FCHO2: variants seen among roughly 807,000 people sequenced by gnomAD.
The protein encoded by FCHO2 is F-BAR domain only protein 2.
FCHO2 carries 43 observed loss-of-function variants against 114.1 expected under a neutral mutation model. The observed-to-expected ratio is 0.38, with a 90% CI of 0.30 to 0.49. The LOEUF (loss-of-function observed/expected upper bound fraction) is 0.49, where lower values mean the gene tolerates loss of function less well. FCHO2 is among the 20% of genes least tolerant of loss of function. The probability of loss-of-function intolerance (pLI) is 0.97; values close to 1 mark genes in which losing one functional copy is unlikely to be tolerated. For synonymous variants in FCHO2, 293 were observed against 315.2 expected (o/e 0.93, Z 0.75); for missense variants, 807 against 950.4 (o/e 0.85, Z 1.98).
At chr5:72,961,472 C>G (rs1306035072) in intron 1 of FCHO2, among the ~76,000 whole-genome samples, 1 of 151,976 alleles carries the variant, frequency 6.6e-6, no homozygotes, top group Non-Finnish European at 1.5e-5. Flanking sequence ...TATATATTTA[C>G]TTTATACATT....
At chr5:73,077,007 A>G (rs887276271) in intron 20 of FCHO2, among the ~76,000 whole-genome samples, 1 of 152,154 alleles carries the variant, frequency 6.6e-6, no homozygotes. Context: ...AATAGCCACA[A>G]CTAGGTATAG....
At chr5:73,067,751 T>C (rs530763767) in intron 18 of FCHO2, among the ~76,000 whole-genome samples, 3 of 152,078 alleles carry the variant, frequency 2.0e-5, no homozygotes, top group African/African-American at 7.2e-5. Flanking sequence ...CTAATACTTT[T>C]ATAAGCAGGA....
At chr5:73,006,283 A>T (rs1754710513) in intron 5 of FCHO2, among the ~76,000 whole-genome samples, 162 bp from the exon 6 acceptor site, 1 of 152,220 alleles carries the variant, frequency 6.6e-6, no homozygotes, top group African/African-American at 2.4e-5. Context: ...AACAACAACA[A>T]TAAAAAAAGA....
At chr5:73,059,771 C>CAAG (rs1462374298) in intron 17 of FCHO2, among the ~76,000 whole-genome samples, 1 of 151,888 alleles carries the variant, frequency 6.6e-6, no homozygotes, top group Non-Finnish European at 1.5e-5. Flanking sequence ...TAGCCTTTCT[C>CAAG]ATTGAGCATT....
At position 73,054,179 on chromosome 5, in the gene FCHO2, C is replaced by T. The variant is rs1757474769; in HGVS notation, c.1185+8C>T. 3 of 1,520,758 alleles carry T rather than the reference C, an allele frequency of 2.0e-6. No homozygotes were observed. In the East Asian group the frequency reaches 7.3e-5, roughly 37 times the overall value. The allele number at this position is 1,520,758 out of a possible 1,614,324, so 94.2% of individuals were successfully genotyped here. On this transcript the variant is annotated splice_region_variant and intron_variant, in intron 14 of 25. Transcript: ENST00000430046. ...TACTAGAGACACAGTCCAGTAAGTA[C>T]AAGATTTTATATTTTTGCCCATTGA...
intron 5 of FCHO2, among the ~76,000 whole-genome samples, chr5:72,999,743 A>G (rs1754329032): frequency 6.6e-6 from 1 of 152,140 alleles, no homozygotes; most frequent in Non-Finnish European, 1.5e-5. Context: ...ACTATTGACT[A>G]AGTACTCATT....
At chr5:73,040,857 C>CT (rs980843926) in intron 10 of FCHO2, among the ~76,000 whole-genome samples, 2 of 151,858 alleles carry the variant, frequency 1.3e-5, no homozygotes, top group Non-Finnish European at 2.9e-5. Flanking sequence ...TTAATACTGA[C>CT]TTTTTTTTAA....
chr5:72,956,845 C>A (rs974858972), intron 1 of FCHO2, among the ~76,000 whole-genome samples: 1 of 151,800 alleles, frequency 6.6e-6, no homozygotes, highest in Non-Finnish European at 1.5e-5. Flanking sequence ...GTATTAGATT[C>A]TTCTTTGAGA....
intron 13 of FCHO2, among the ~76,000 whole-genome samples, chr5:73,053,375 T>A (rs1445112746): frequency 2.6e-5 from 4 of 152,168 alleles, no homozygotes; most frequent in Admixed American, 2.6e-4. Flanking sequence ...TTAAGATTAA[T>A]GTTGAAGTAC....
At chr5:73,019,288 G>C (rs1382217314) in intron 8 of FCHO2, among the ~76,000 whole-genome samples, 33 of 152,298 alleles carry the variant, frequency 2.2e-4, no homozygotes, top group Non-Finnish European at 5.9e-5. Flanking sequence ...GTTCACACCT[G>C]TAATCCCAGC....
At position 72,976,171 on chromosome 5, in the gene FCHO2, T is replaced by G. The variant is rs1752856533; in HGVS notation, c.125+7582T>G. Among the ~76,000 whole-genome samples, 5 of 152,336 alleles carry G rather than the reference T, an allele frequency of 3.3e-5. 1 individual carries two copies. The South Asian group carries it at 1.0e-3, about 32-fold the overall frequency. ...GTATTCTAGATTTTGGCTGTTCCAA[T>G]AAGTATATAGTGGTATCTTATCATT... On this transcript the variant is annotated intron_variant, in intron 2 of 25. Transcript: ENST00000430046.
chr5:72,993,776 C>T (rs1023855757), intron 5 of FCHO2, among the ~76,000 whole-genome samples: 1 of 152,130 alleles, frequency 6.6e-6, no homozygotes, highest in Non-Finnish European at 1.5e-5. Flanking sequence ...TTCTGAAAAT[C>T]TTTTAGTGAT....
chr5:72,968,629 A>T, intron 2 of FCHO2, 40 bp downstream of exon 2: 7 of 1,337,024 alleles, frequency 5.2e-6, no homozygotes, highest in Non-Finnish European at 7.0e-6. Flanking sequence ...TAACAACTTA[A>T]TAGCAATTTA....
At chr5:72,996,190 C>T (rs1035407555) in intron 5 of FCHO2, among the ~76,000 whole-genome samples, 1 of 148,054 alleles carries the variant, frequency 6.8e-6, no homozygotes, top group African/African-American at 2.5e-5. Context: ...TTGCAGTGAG[C>T]CAAGATCGCA....
chr5:73,071,366 T>C (rs1742642836), intron 19 of FCHO2, among the ~76,000 whole-genome samples: 1 of 151,976 alleles, frequency 6.6e-6, no homozygotes, highest in African/African-American at 2.4e-5. Flanking sequence ...AAGGCTGTCA[T>C]ATACGAAAAC....
intron 2 of FCHO2, among the ~76,000 whole-genome samples, chr5:72,972,209 TTAAAG>T (rs879331707): frequency 2.0e-4 from 30 of 151,950 alleles, no homozygotes; most frequent in South Asian, 6.2e-4. Flanking sequence ...CATATGAACT[TTAAAG>T]TAGTTTTTTC....
chr5:73,075,146 G>A (rs116103266), intron 20 of FCHO2, among the ~76,000 whole-genome samples: 1 of 152,068 alleles, frequency 6.6e-6, no homozygotes, highest in East Asian at 1.9e-4. Context: ...ATTATAGTGA[G>A]GGAAAACTAA....
At chr5:73,066,710 A>AG (rs1407198481) in intron 18 of FCHO2, among the ~76,000 whole-genome samples, 1 of 151,570 alleles carries the variant, frequency 6.6e-6, no homozygotes, top group Non-Finnish European at 1.5e-5. Flanking sequence ...GTTCTAGAGC[A>AG]GGGGCACCCA....
chr5:73,087,348 C>T (rs1442938004), intron 24 of FCHO2, among the ~76,000 whole-genome samples: 1 of 152,048 alleles, frequency 6.6e-6, no homozygotes, highest in African/African-American at 2.4e-5. Flanking sequence ...GCATAGGAGT[C>T]CAGTAGTTAA....
Sources: allele counts gnomAD v4.1 joint callset (sites outside exome capture counted in the v4.1 genomes callset), GRCh38; gene constraint gnomAD v4.1.1; transcripts MANE v1.5; gene names NCBI Gene and HGNC (gene_info 2026-07-23, HGNC 2026-07-21).